The following HEPACAM variants were observed in gnomAD, a reference collection of about 807,000 sequenced individuals.
The protein encoded by HEPACAM is hepatic and glial cell adhesion molecule.
Under a neutral mutation model 38.3 loss-of-function variants are expected in HEPACAM, and 18 were observed. That is an observed-to-expected ratio of 0.47 (90% CI 0.33 to 0.70). The LOEUF (loss-of-function observed/expected upper bound fraction) is 0.70, where lower values mean the gene tolerates loss of function less well. HEPACAM is among the 30% of genes least tolerant of loss of function. HEPACAM has a pLI of 0.03. For synonymous variants in HEPACAM, 216 were observed against 243.1 expected (o/e 0.89, Z 1.04); for missense variants, 466 against 563.0 (o/e 0.83, Z 1.74).
intron 1 of HEPACAM, among the ~76,000 whole-genome samples, chr11:124,926,044 T>TA (rs899060489): frequency 2.6e-5 from 4 of 151,670 alleles, no homozygotes; most frequent in Non-Finnish European, 4.4e-5. Flanking sequence ...CTACTAAAAA[T>TA]AAAAAAAATT....
chr11:124,921,183 T>A lies in HEPACAM; in HGVS notation c.1206A>T (p.Ile402=). ...SRTLRTAGVH[I]IREQDEAGPV... Reference sequence around the variant, plus strand: ...GGCCGGCCTCGTCTTGCTCGCGGATTATGTGCACGCCCGCAGTCCGCAGTG... The same window carrying A: ...GGCCGGCCTCGTCTTGCTCGCGGATAATGTGCACGCCCGCAGTCCGCAGTG... Residue 402 remains isoleucine (I), a synonymous_variant, in exon 7 of 7, where the codon ATA becomes ATT. Transcript: ENST00000298251. This position sits in a 1 kb window ranked among gnomAD's most constrained non-coding sequence, Gnocchi z 4.6. The A allele has an allele frequency of 6.5e-7, 1 of 1,527,228 alleles. No individual in the cohort carries two copies. The highest frequency in any genetic ancestry group is 8.7e-7 in the Non-Finnish European group (1 of 1,144,208). 94.6% of individuals were successfully genotyped at this position (1,527,228 alleles called of 1,614,324 possible). A position where few individuals can be genotyped will look rare whatever the true frequency, so the allele number is the denominator to read the frequency against.
chr11:124,929,144 C>A (rs1236611790), intron 1 of HEPACAM, among the ~76,000 whole-genome samples: 1 of 152,206 alleles, frequency 6.6e-6, no homozygotes, highest in African/African-American at 2.4e-5. Flanking sequence ...CCTATCCCAT[C>A]CAAAGTCCTA....
In HEPACAM at chr11:124,920,603, T is replaced by C. The variant is rs1947115979; in HGVS notation, c.*535A>G. On this transcript the variant is annotated 3_prime_UTR_variant, in exon 7 of 7. Transcript: ENST00000298251. ...CTCAGAACAGCCCCTGCACACCCAGTAACCGGCATCTGGCTTCTCCTTAGC... is the reference window on the plus strand; with the variant it reads ...CTCAGAACAGCCCCTGCACACCCAGCAACCGGCATCTGGCTTCTCCTTAGC... The C allele has an allele frequency of 1.3e-5, 14 of 1,082,594 alleles. No homozygotes were observed. The South Asian group carries it at 4.1e-4, about 32-fold the overall frequency. The allele number at this position is 1,082,594 out of a possible 1,614,324, so 67.1% of individuals were successfully genotyped here. A position where few individuals can be genotyped will look rare whatever the true frequency, so the allele number is the denominator to read the frequency against.
chr11:124,930,424 G>A (rs1947268383), intron 1 of HEPACAM, among the ~76,000 whole-genome samples: 1 of 152,166 alleles, frequency 6.6e-6, no homozygotes, highest in Non-Finnish European at 1.5e-5. Flanking sequence ...GGAAACAGAA[G>A]CTGTGAAGAA....
intron 4 of HEPACAM, among the ~76,000 whole-genome samples, 155 bp downstream of exon 4, chr11:124,923,185 A>T (rs1947162650): frequency 6.6e-6 from 1 of 152,204 alleles, no homozygotes; most frequent in African/African-American, 2.4e-5. Flanking sequence ...GCTTTGGAGC[A>T]CAAGATGCTG....
rs373799782 is a variant in HEPACAM at position 124,922,519 on chromosome 11, C to T, written c.878-61G>A. On this transcript the variant is annotated intron_variant, in intron 5 of 6. Transcript: ENST00000298251. ...TACAGACTCTCCCCACCAGCCGGCA[C>T]CTACTCTCTGTGCTTCCCGAATGGC... The T allele has an allele frequency of 2.8e-3, 4,540 of 1,599,572 alleles. 17 individuals are homozygous for T. Among genetic ancestry groups the T allele is most frequent in the Middle Eastern group, 6.7e-3 (40 of 5,968 alleles).
chr11:124,926,116 C>T (rs1184477628), intron 1 of HEPACAM, among the ~76,000 whole-genome samples: 1 of 152,138 alleles, frequency 6.6e-6, no homozygotes, highest in African/African-American at 2.4e-5. Flanking sequence ...ACATGAGAAT[C>T]GCTTGAACCC....
intron 1 of HEPACAM, among the ~76,000 whole-genome samples, chr11:124,934,736 A>T (rs185567355): frequency 2.0e-5 from 3 of 152,054 alleles, no homozygotes; most frequent in Non-Finnish European, 4.4e-5. Flanking sequence ...TTGTTATAGG[A>T]GCCCTAGAAA....
In HEPACAM at chr11:124,924,170, C is replaced by T. The variant is rs182571615; in HGVS notation, c.428-160G>A. 5.6e-4 allele frequency among the ~76,000 whole-genome samples: 86 copies of T among 152,350 alleles called. No individual in the cohort carries two copies. The highest frequency in any genetic ancestry group is 1.7e-3 in the South Asian group (8 of 4,830). ...CATCCTAAGTCCAGTTCTTTCCCAT[C>T]GCTTATTCATTCGTTTCACTGACTA... On this transcript the variant is annotated intron_variant, in intron 2 of 6. Transcript: ENST00000298251. This position sits in a 1 kb window ranked among gnomAD's most constrained non-coding sequence, Gnocchi z 4.4.
chr11:124,926,648 A>T (rs2135401746), intron 1 of HEPACAM, among the ~76,000 whole-genome samples: 1 of 152,246 alleles, frequency 6.6e-6, no homozygotes, highest in Non-Finnish European at 1.5e-5. Flanking sequence ...ATACATGCAG[A>T]TTCTCAGTCC....
chr11:124,925,724 G>A (rs912233281), intron 1 of HEPACAM, among the ~76,000 whole-genome samples: 4 of 152,090 alleles, frequency 2.6e-5, no homozygotes, highest in Non-Finnish European at 4.4e-5. Flanking sequence ...GAATAGTCCT[G>A]CAACTAGTAA....
intron 1 of HEPACAM, among the ~76,000 whole-genome samples, chr11:124,934,113 C>A (rs143408217): frequency 6.6e-6 from 1 of 152,294 alleles, no homozygotes; most frequent in Non-Finnish European, 1.5e-5. Context: ...CACACGGAAG[C>A]CTCATAAGTA....
intron 1 of HEPACAM, 66 bp from the exon 2 acceptor site, chr11:124,925,135 C>CT: frequency 7.9e-7 from 1 of 1,272,310 alleles, no homozygotes; most frequent in Admixed American, 2.5e-5. Context: ...CCACTCCCAA[C>CT]TTTAAGCCCT....
Position 124,922,757 on chromosome 11 carries a change from G to T in HEPACAM, c.865C>A (p.Leu289Met), listed in dbSNP as rs961163029. 1.2e-6 allele frequency: 2 copies of T among 1,614,096 alleles called. No homozygotes were observed. The highest frequency in any genetic ancestry group is 1.7e-6 in the Non-Finnish European group (2 of 1,180,044). ...GCTGGGAGCTCACCTTCTGGTTTCA[G>T]GCGGTCATCATTCTGATCCATGTAT... ...LEYMDQNDDRLKPEADTLPRS... is the reference protein window; with the variant it reads ...LEYMDQNDDRMKPEADTLPRS... Residue 289 changes from leucine to methionine, a missense_variant, in exon 5 of 7, where the codon CTG becomes ATG. Transcript: ENST00000298251.
At chr11:124,935,348 A>C (rs1178454433) in intron 1 of HEPACAM, among the ~76,000 whole-genome samples, 2 of 151,868 alleles carry the variant, frequency 1.3e-5, no homozygotes, top group Admixed American at 6.6e-5. Context: ...TGTACTCATA[A>C]ATAGGTATAT....
chr11:124,921,217 G>A lies in HEPACAM; in HGVS notation c.1172C>T (p.Ala391Val), dbSNP rs1236746542. The change falls in exon 7 of 7, where the codon GCC becomes GTC. Residue 391 changes from alanine (A) to valine (V), a missense_variant. Coordinates refer to ENST00000298251, the MANE Select transcript of HEPACAM (RefSeq NM_152722.5). The surrounding 1 kb of genome is among the most constrained non-coding windows in gnomAD (Gnocchi z 4.6). ...APSSPGRSRSASRTLRTAGVH... is the reference protein window; with the variant it reads ...APSSPGRSRSVSRTLRTAGVH... ...GCCCGCAGTCCGCAGTGTGCGCGAGGCGCTGCGCGAGCGGCCGGGCGAGCT... is the reference window on the plus strand; with the variant it reads ...GCCCGCAGTCCGCAGTGTGCGCGAGACGCTGCGCGAGCGGCCGGGCGAGCT... 2.0e-6 allele frequency: 3 copies of A among 1,478,972 alleles called. No individual in the cohort carries two copies. Among genetic ancestry groups the A allele is most frequent in the Non-Finnish European group, 2.7e-6 (3 of 1,121,534 alleles). 91.6% of individuals were successfully genotyped at this position (1,478,972 alleles called of 1,614,324 possible).
Position 124,922,823 on chromosome 11 carries a change from GA to G in HEPACAM, c.804-6del. On this transcript the variant is annotated splice_polypyrimidine_tract_variant and splice_region_variant and intron_variant, in intron 4 of 6. Transcript: ENST00000298251. ...TTTTCTAGCTTCTTCTGTTTCCTGT[GA>G]ATCAATTCAGCCCCACTATGAGCCG... 1 of 1,614,084 alleles carries G rather than the reference GA, an allele frequency of 6.2e-7. No homozygotes were observed. The highest frequency in any genetic ancestry group is 8.5e-7 in the Non-Finnish European group (1 of 1,179,978).
Position 124,920,912 on chromosome 11 carries a change from A to C in HEPACAM, c.*226T>G, listed in dbSNP as rs1280078304. Reference sequence around the variant, plus strand: ...ACCTATACCAAGTGAGGACACAGCCAGTAAACCGGAAGCAAATGCGACCCG... The same window carrying C: ...ACCTATACCAAGTGAGGACACAGCCCGTAAACCGGAAGCAAATGCGACCCG... On this transcript the variant is annotated 3_prime_UTR_variant, in exon 7 of 7. Transcript: ENST00000298251. 1 of 1,355,960 alleles carries C rather than the reference A, an allele frequency of 7.4e-7. No individual in the cohort carries two copies. Among genetic ancestry groups the C allele is most frequent in the Non-Finnish European group, 9.5e-7 (1 of 1,057,286 alleles). 84.0% of individuals were successfully genotyped at this position (1,355,960 alleles called of 1,614,324 possible). A position where few individuals can be genotyped will look rare whatever the true frequency, so the allele number is the denominator to read the frequency against.
At chr11:124,925,145 T>G in intron 1 of HEPACAM, 76 bp from the exon 2 acceptor site, 2 of 1,174,202 alleles carry the variant, frequency 1.7e-6, no homozygotes, top group East Asian at 4.9e-5. Context: ...CTTTAAGCCC[T>G]CTGATCTCCC....
Sources: gnomAD v4.1 joint callset for allele counts (sites outside exome capture counted in the v4.1 genomes callset) on GRCh38, gnomAD v4.1.1 for gene constraint, Gnocchi (gnomAD v3.1) non-coding constraint, MANE v1.5 for transcripts, NCBI Gene and HGNC (gene_info 2026-07-23, HGNC 2026-07-21) for gene names.